The following RUNDC3B variants were observed in gnomAD, a reference collection of about 807,000 sequenced individuals.
RUNDC3B encodes RUN domain containing 3B.
In RUNDC3B, 33 loss-of-function variants were observed where a neutral mutation model predicts 58.4. The ratio of observed to expected loss-of-function variants is 0.56; its 90% CI spans 0.43 to 0.75. RUNDC3B has a LOEUF of 0.75. Among genes scored for constraint, RUNDC3B ranks in the 30% least tolerant of loss-of-function variants. The pLI, the probability that RUNDC3B is intolerant of heterozygous loss-of-function variation, is 0.00. For synonymous variants in RUNDC3B, 193 were observed against 195.2 expected, an observed-to-expected ratio of 0.99 and a Z score of 0.10; for missense variants, 501 against 535.7, an observed-to-expected ratio of 0.94 and a Z score of 0.64.
intron 3 of RUNDC3B, among the ~76,000 whole-genome samples, chr7:87,703,680 A>T (rs931720888): frequency 6.6e-6 from 1 of 151,792 alleles, no homozygotes; most frequent in Non-Finnish European, 1.5e-5. Context: ...TTTTAATTAA[A>T]TTTTTCCCTC....
chr7:87,785,212 G>T (rs949534957), intron 8 of RUNDC3B, among the ~76,000 whole-genome samples: 3 of 152,054 alleles, frequency 2.0e-5, no homozygotes, highest in African/African-American at 7.2e-5. Flanking sequence ...TTTCTGTGCT[G>T]AAATTGCGGG....
chr7:87,726,245 A>G (rs1397987616), intron 4 of RUNDC3B, among the ~76,000 whole-genome samples: 1 of 152,144 alleles, frequency 6.6e-6, no homozygotes, highest in African/African-American at 2.4e-5. Context: ...TAAGTCTTTA[A>G]TCCATCTTGA....
chr7:87,639,790 G>C (rs1286616857), intron 1 of RUNDC3B, among the ~76,000 whole-genome samples: 2 of 151,866 alleles, frequency 1.3e-5, no homozygotes, highest in Non-Finnish European at 1.5e-5. Flanking sequence ...CTTATATTTA[G>C]AGTGTCCTTG....
intron 2 of RUNDC3B, among the ~76,000 whole-genome samples, chr7:87,674,493 CACAT>C (rs892276889): frequency 6.6e-6 from 1 of 152,090 alleles, no homozygotes; most frequent in Non-Finnish European, 1.5e-5. Context: ...AGGGTGCACA[CACAT>C]ACATGTACCA....
chr7:87,821,617 A>T (rs900385454), intron 10 of RUNDC3B, among the ~76,000 whole-genome samples: 1 of 152,248 alleles, frequency 6.6e-6, no homozygotes, highest in Non-Finnish European at 1.5e-5. Flanking sequence ...AGCCAGAGGC[A>T]TCACGCTACC....
chr7:87,795,722 A>AT (rs1835780828), intron 8 of RUNDC3B, among the ~76,000 whole-genome samples: 1 of 139,068 alleles, frequency 7.2e-6, no homozygotes, highest in Non-Finnish European at 1.6e-5. Context: ...TACTAAAAAT[A>AT]CAAAAAAAAA....
At chr7:87,802,863 G>T (rs1836245912) in intron 8 of RUNDC3B, among the ~76,000 whole-genome samples, 1 of 152,112 alleles carries the variant, frequency 6.6e-6, no homozygotes, top group Admixed American at 6.5e-5. Context: ...GTGCACACCT[G>T]TGGTCCCAGC....
At chr7:87,817,829 A>G (rs1563229943) in intron 10 of RUNDC3B, among the ~76,000 whole-genome samples, 4 of 152,220 alleles carry the variant, frequency 2.6e-5, no homozygotes, top group African/African-American at 9.6e-5. Context: ...TCACCAGTGT[A>G]TGAACTAGAG....
intron 2 of RUNDC3B, among the ~76,000 whole-genome samples, chr7:87,673,196 T>C (rs1355374406): frequency 6.6e-6 from 1 of 152,242 alleles, no homozygotes; most frequent in Non-Finnish European, 1.5e-5. Flanking sequence ...ATATATGTCT[T>C]AGGGAATGGT....
At chr7:87,684,924 A>G (rs1827311678) in intron 2 of RUNDC3B, among the ~76,000 whole-genome samples, 1 of 152,074 alleles carries the variant, frequency 6.6e-6, no homozygotes, top group South Asian at 2.1e-4. Context: ...AAAAAAGTGA[A>G]CCTTGTTCCT....
intron 8 of RUNDC3B, among the ~76,000 whole-genome samples, 168 bp downstream of exon 8, chr7:87,778,123 C>G (rs1364184164): frequency 1.3e-5 from 2 of 151,984 alleles, no homozygotes; most frequent in East Asian, 3.9e-4. Context: ...CAGAAGTAAT[C>G]CATGTTAATT....
intron 4 of RUNDC3B, among the ~76,000 whole-genome samples, chr7:87,735,913 C>T (rs1350634282): frequency 1.3e-5 from 2 of 152,034 alleles, no homozygotes; most frequent in African/African-American, 4.8e-5. Flanking sequence ...ACTTATTTAC[C>T]ATTGTAACTA....
chr7:87,748,941 G>T (rs541112650), intron 6 of RUNDC3B, among the ~76,000 whole-genome samples: 1 of 152,130 alleles, frequency 6.6e-6, no homozygotes, highest in Admixed American at 6.5e-5. Context: ...TTTTGAGCAG[G>T]CATAAAATTA....
At chr7:87,637,612 A>G (rs958245028) in intron 1 of RUNDC3B, among the ~76,000 whole-genome samples, 2 of 152,078 alleles carry the variant, frequency 1.3e-5, no homozygotes, top group African/African-American at 4.8e-5. Context: ...GTAGTTTTGC[A>G]TATATAGATA....
intron 4 of RUNDC3B, among the ~76,000 whole-genome samples, chr7:87,738,418 C>A (rs906781997): frequency 1.7e-4 from 26 of 152,028 alleles, no homozygotes; most frequent in African/African-American, 4.8e-4. Flanking sequence ...TCAGTAAAAG[C>A]AATTTCAGTA....
In RUNDC3B at chr7:87,738,089, C is replaced by A. The variant is rs533516734; in HGVS notation, c.459-1702C>A. 1.4e-4 allele frequency among the ~76,000 whole-genome samples: 21 copies of A among 151,950 alleles called. No homozygotes were observed. The East Asian group carries it at 3.5e-3, about 25-fold the overall frequency. ...CAAGATGAGGAATAAAAGAAGTAGACCTTTTCTTATATAAGAAGTACTAGG... is the reference window on the plus strand; with the variant it reads ...CAAGATGAGGAATAAAAGAAGTAGAACTTTTCTTATATAAGAAGTACTAGG... On this transcript the variant is annotated intron_variant, in intron 4 of 10. Transcript: ENST00000394654.
chr7:87,806,079 A>G (rs911299339), intron 8 of RUNDC3B, among the ~76,000 whole-genome samples: 4 of 152,186 alleles, frequency 2.6e-5, no homozygotes, highest in Non-Finnish European at 4.4e-5. Context: ...CTAAAATCAT[A>G]TCTTACTAGG....
At chr7:87,779,779 C>G (rs76065973) in intron 8 of RUNDC3B, among the ~76,000 whole-genome samples, 217 of 152,168 alleles carry the variant, frequency 1.4e-3, no homozygotes, top group Non-Finnish European at 2.5e-3. Flanking sequence ...CCTTACCCCC[C>G]ACCCTTCCTC....
chr7:87,780,000 T>G (rs1834838777), intron 8 of RUNDC3B, among the ~76,000 whole-genome samples: 1 of 152,152 alleles, frequency 6.6e-6, no homozygotes, highest in Admixed American at 6.6e-5. Context: ...TCCATGGTAT[T>G]GATGTACCAC....
Sources: gnomAD v4.1 joint callset for allele counts (sites outside exome capture counted in the v4.1 genomes callset) on GRCh38, gnomAD v4.1.1 for gene constraint, MANE v1.5 for transcripts, NCBI Gene and HGNC (gene_info 2026-07-23, HGNC 2026-07-21) for gene names.